The following LURAP1L variants were observed in gnomAD, a reference collection of about 807,000 sequenced individuals.
LURAP1L encodes leucine rich adaptor protein 1-like.
Under a neutral mutation model 13.8 loss-of-function variants are expected in LURAP1L, and 12 were observed. The ratio of observed to expected loss-of-function variants is 0.87; its 90% confidence interval spans 0.56 to 1.41. The LOEUF is 1.41. LURAP1L is among the 40% of genes most tolerant of loss of function. The pLI is 0.00. For synonymous variants in LURAP1L, 139 were observed against 119.2 expected (o/e 1.17, Z -1.08); for missense variants, 375 against 292.9 (o/e 1.28, Z -2.04).
At chr9:12,780,031 G>A (rs1819247864) in intron 1 of LURAP1L, among the ~76,000 whole-genome samples, 1 of 152,124 alleles carries the variant, frequency 6.6e-6, no homozygotes, top group South Asian at 2.1e-4. Context: ...CTCCTGACAC[G>A]ACCAGTTCAA....
intron 1 of LURAP1L, among the ~76,000 whole-genome samples, chr9:12,778,887 T>C (rs1195171308): frequency 6.6e-6 from 1 of 152,232 alleles, no homozygotes; most frequent in African/African-American, 2.4e-5. Context: ...CCATGGGAGA[T>C]ATGTTCCAAG....
chr9:12,808,859 T>G lies in LURAP1L; in HGVS notation c.313-12527T>G, dbSNP rs114690543. 4.6e-3 allele frequency among the ~76,000 whole-genome samples: 703 copies of G among 152,294 alleles called. 5 individuals are homozygous for G. Among genetic ancestry groups the G allele is most frequent in the African/African-American group, 0.016 (674 of 41,562 alleles). ...TATTCCCATTATACATGTGTTATTC[T>G]GTGTCAGTCCATTTGCATTGCTATA... On this transcript the variant is annotated intron_variant, in intron 1 of 1. Transcript: ENST00000319264.
Position 12,821,924 on chromosome 9 carries a change from T to C in LURAP1L, c.*164T>C. ...TTGCTGTTGCTCCTAATACTTCTCA[T>C]CTGAGCTGATTTATTTTTCTCTGTT... On this transcript the variant is annotated 3_prime_UTR_variant, in exon 2 of 2. Transcript: ENST00000319264. 1.5e-6 allele frequency: 1 copy of C among 689,302 alleles called. No individual in the cohort carries two copies. Among genetic ancestry groups the C allele is most frequent in the Non-Finnish European group, 2.3e-6 (1 of 430,766 alleles). The allele number at this position is 689,302 out of a possible 1,614,324, so 42.7% of individuals were successfully genotyped here. A position where few individuals can be genotyped will look rare whatever the true frequency, so the allele number is the denominator to read the frequency against.
Position 12,821,792 on chromosome 9 carries a change from T to C in LURAP1L, c.*32T>C. The C allele has an allele frequency of 6.3e-7, 1 of 1,577,020 alleles. No individual in the cohort carries two copies. Among genetic ancestry groups the C allele is most frequent in the Non-Finnish European group, 8.6e-7 (1 of 1,157,652 alleles). ...TTTTTTGCATGGGACTGGTGTGCAATGAACTTGTATTTATCCTTCTTCTCC... is the reference window on the plus strand; with the variant it reads ...TTTTTTGCATGGGACTGGTGTGCAACGAACTTGTATTTATCCTTCTTCTCC... On this transcript the variant is annotated 3_prime_UTR_variant, in exon 2 of 2. Coordinates refer to ENST00000319264, the MANE Select transcript of LURAP1L (RefSeq NM_203403.2).
chr9:12,775,580 G>C lies in LURAP1L; in HGVS notation c.-136G>C. On this transcript the variant is annotated 5_prime_UTR_variant, in exon 1 of 2. Transcript: ENST00000319264. Reference sequence around the variant, plus strand: ...GATACCGCATAGGCGGTTATGGAAAGGACGGTACACCGGAGCGGCGGAGGA... The same window carrying C: ...GATACCGCATAGGCGGTTATGGAAACGACGGTACACCGGAGCGGCGGAGGA... 7.2e-7 allele frequency: 1 copy of C among 1,393,522 alleles called. No homozygotes were observed. The highest frequency in any genetic ancestry group is 3.1e-5 in the Admixed American group (1 of 32,496). 86.3% of individuals were successfully genotyped at this position (1,393,522 alleles called of 1,614,324 possible).
In LURAP1L at chr9:12,776,121, G is replaced by T. The variant is rs1221121743; in HGVS notation, c.312+94G>T. ...TGGGGCTGGGAGAGAGGACGGCAGG[G>T]GCTGCAGAGCGGAGCGCTGGGCGCG... On this transcript the variant is annotated intron_variant, in intron 1 of 1. Transcript: ENST00000319264. 6.1e-6 allele frequency: 8 copies of T among 1,309,866 alleles called. No individual in the cohort carries two copies. The African/African-American group carries it at 1.0e-4, about 17-fold the overall frequency. 81.1% of individuals were successfully genotyped at this position (1,309,866 alleles called of 1,614,324 possible).
At chr9:12,786,601 C>T (rs1819359889) in intron 1 of LURAP1L, among the ~76,000 whole-genome samples, 1 of 104,360 alleles carries the variant, frequency 9.6e-6, no homozygotes, top group Admixed American at 1.1e-4. Flanking sequence ...TGCCTTAAGT[C>T]TGTATAGCTC....
intron 1 of LURAP1L, among the ~76,000 whole-genome samples, chr9:12,804,444 G>A (rs140813527): frequency 7.3e-5 from 11 of 150,442 alleles, no homozygotes; most frequent in African/African-American, 2.2e-4. Context: ...TCCCAGGTTC[G>A]TGATTCTCTT....
At chr9:12,787,662 G>A (rs1239600406) in intron 1 of LURAP1L, among the ~76,000 whole-genome samples, 1 of 152,106 alleles carries the variant, frequency 6.6e-6, no homozygotes, top group Non-Finnish European at 1.5e-5. Context: ...TTCATTTTCA[G>A]ATACTTCTAT....
chr9:12,818,788 G>A (rs958287474), intron 1 of LURAP1L, among the ~76,000 whole-genome samples: 3 of 152,274 alleles, frequency 2.0e-5, no homozygotes, highest in South Asian at 4.1e-4. Context: ...AGAGGGTGGA[G>A]ATGTGAATAA....
intron 1 of LURAP1L, among the ~76,000 whole-genome samples, chr9:12,778,941 T>C (rs966385375): frequency 5.9e-5 from 9 of 152,346 alleles, no homozygotes; most frequent in Middle Eastern, 3.4e-3. Flanking sequence ...CCAAAGCCTA[T>C]ATAGACTGTT....
rs55704493 is a variant in LURAP1L, at chr9:12,786,582, A to AT, written c.312+10555_312+10556insT. On this transcript the variant is annotated intron_variant, in intron 1 of 1. Transcript: ENST00000319264. ...TATATATATATATATATATATATAT[A>AT]AACCCTTGTGCCTTAAGTCTGTATA... Among the ~76,000 whole-genome samples, 92 of 113,582 alleles carry AT rather than the reference A, an allele frequency of 8.1e-4. 2 individuals carry two copies. The East Asian group carries it at 0.014, about 17-fold the overall frequency. The allele number at this position is 113,582 out of a possible 152,430, so 74.5% of individuals were successfully genotyped here. A position where few individuals can be genotyped will look rare whatever the true frequency, so the allele number is the denominator to read the frequency against.
intron 1 of LURAP1L, among the ~76,000 whole-genome samples, chr9:12,800,453 G>T (rs1819569742): frequency 6.6e-6 from 1 of 151,736 alleles, no homozygotes; most frequent in East Asian, 1.9e-4. Context: ...TTTATAGGGT[G>T]TCCAACTGAC....
chr9:12,816,466 A>C (rs1563899382), intron 1 of LURAP1L, among the ~76,000 whole-genome samples: 1 of 152,202 alleles, frequency 6.6e-6, no homozygotes. Flanking sequence ...GATTGGAGTC[A>C]GTACCATGTT....
rs1730715739 is a variant in LURAP1L, at chr9:12,788,159, G to GAA, written c.312+12134_312+12135dup. Among the ~76,000 whole-genome samples the GAA allele has an allele frequency of 3.5e-5, 5 of 141,544 alleles. No individual in the cohort carries two copies. In the South Asian group the frequency reaches 1.2e-3, roughly 33 times the overall value. The allele number at this position is 141,544 out of a possible 152,430, so 92.9% of individuals were successfully genotyped here. ...GAAAGAAAGAGAAAGAAGAAAGAAA[G>GAA]AAAGAAAGAAAGAAAGAAAGAAAGA... On this transcript the variant is annotated intron_variant, in intron 1 of 1. Coordinates refer to ENST00000319264, the MANE Select transcript of LURAP1L (RefSeq NM_203403.2).
chr9:12,796,171 T>C (rs1223317277), intron 1 of LURAP1L, among the ~76,000 whole-genome samples: 1 of 151,972 alleles, frequency 6.6e-6, no homozygotes, highest in Non-Finnish European at 1.5e-5. Flanking sequence ...CCCATTTATA[T>C]AATTCTGTAT....
At chr9:12,797,830 A>G (rs1282907530) in intron 1 of LURAP1L, among the ~76,000 whole-genome samples, 2 of 152,180 alleles carry the variant, frequency 1.3e-5, no homozygotes, top group Non-Finnish European at 2.9e-5. Context: ...TAGGGCAAAC[A>G]GTTATATCCA....
At chr9:12,781,987 A>T (rs969489255) in intron 1 of LURAP1L, among the ~76,000 whole-genome samples, 4 of 152,080 alleles carry the variant, frequency 2.6e-5, no homozygotes, top group Non-Finnish European at 2.9e-5. Flanking sequence ...TGTAGTTTTG[A>T]TTTGCATTTC....
intron 1 of LURAP1L, among the ~76,000 whole-genome samples, chr9:12,785,558 C>A (rs2118473632): frequency 6.6e-6 from 1 of 152,252 alleles, no homozygotes. Flanking sequence ...ATAGAAAATT[C>A]CCCTCTAGCT....
Sources: allele counts gnomAD v4.1 joint callset (sites outside exome capture counted in the v4.1 genomes callset), GRCh38; gene constraint gnomAD v4.1.1; transcripts MANE v1.5; gene names NCBI Gene and HGNC (gene_info 2026-07-23, HGNC 2026-07-21).